FNIP1: variants seen among roughly 807,000 people sequenced by gnomAD.
FNIP1 encodes folliculin-interacting protein 1.
FNIP1 carries 40 observed loss-of-function variants against 124.5 expected under a neutral mutation model. The ratio of observed to expected loss-of-function variants is 0.32; its 90% confidence interval spans 0.25 to 0.42. The LOEUF (loss-of-function observed/expected upper bound fraction) is 0.42, where lower values mean the gene tolerates loss of function less well. Ranked by LOEUF, FNIP1 falls within the 10% of genes least tolerant of loss-of-function variation. The pLI is 1.00. For missense variants in FNIP1, 1,176 were observed against 1,403.7 expected (o/e 0.84, Z 2.59); for synonymous variants, 472 against 470.6 (o/e 1.00, Z -0.04).
chr5:131,647,244 A>T, intron 16 of FNIP1, 39 bp from the exon 17 acceptor site: 1 of 1,477,634 alleles, frequency 6.8e-7, no homozygotes, highest in Non-Finnish European at 9.5e-7. Flanking sequence ...GTCAGAAAAC[A>T]GTTTGCAACT....
In FNIP1 at chr5:131,658,907, CAAAAAAAAAAAAA is replaced by C. The variant is rs70974003; in HGVS notation, c.3109-6921_3109-6909del. ...CCAGTTTTTAAATCCTGGGTCTAGC[CAAAAAAAAAAAAA>C]AAAAAAAAAAAAAAAATCACCACCA... On this transcript the variant is annotated intron_variant, in intron 15 of 17. Coordinates refer to ENST00000510461, the MANE Select transcript of FNIP1 (RefSeq NM_133372.3). 6.0e-3 allele frequency among the ~76,000 whole-genome samples: 245 copies of C among 41,172 alleles called. 3 individuals carry two copies. The highest frequency in any genetic ancestry group is 0.023 in the African/African-American group (225 of 9,780). 27.0% of individuals were successfully genotyped at this position (41,172 alleles called of 152,430 possible). A position where few individuals can be genotyped will look rare whatever the true frequency, so the allele number is the denominator to read the frequency against.
intron 1 of FNIP1, among the ~76,000 whole-genome samples, chr5:131,764,123 C>T (rs1771339947): frequency 6.6e-6 from 1 of 151,960 alleles, no homozygotes; most frequent in African/African-American, 2.4e-5. Flanking sequence ...TGTGAAGTGC[C>T]TGCTCCTCAT....
In FNIP1 at chr5:131,642,867, CAAAAAAAAAAAA is replaced by C. The variant is rs34177023; in HGVS notation, c.*1806_*1817del. 1 of 69,094 alleles carries C rather than the reference CAAAAAAAAAAAA, an allele frequency of 1.4e-5. No individual in the cohort carries two copies. The highest frequency in any genetic ancestry group is 2.8e-5 in the Non-Finnish European group (1 of 35,740). The allele number at this position is 69,094 out of a possible 1,614,324, so 4.3% of individuals were successfully genotyped here. A position where few individuals can be genotyped will look rare whatever the true frequency, so the allele number is the denominator to read the frequency against. ...CTGGGTAACAAGAGTGAAACTCCGT[CAAAAAAAAAAAA>C]AAAAAAAAAAAGGTACAATGGCCCG... is the stretch of plus-strand genomic sequence containing the variant. On this transcript the variant is annotated 3_prime_UTR_variant, in exon 18 of 18. Transcript: ENST00000510461.
In FNIP1 at chr5:131,710,605, G is replaced by C; in HGVS notation, c.679C>G (p.Leu227Val). 2 of 1,614,006 alleles carry C rather than the reference G, an allele frequency of 1.2e-6. No individual in the cohort carries two copies. The highest frequency in any genetic ancestry group is 1.7e-6 in the Non-Finnish European group (2 of 1,179,982). Residue 227 changes from leucine (L) to valine (V), a missense_variant, in exon 7 of 18, where the codon CTG becomes GTG. Leu to Val is a conservative substitution (Grantham distance 32). This residue lies in a region of FNIP1 where 1,109 missense variants were observed against 1,288.5 expected (regional missense o/e 0.86). Coordinates refer to ENST00000510461, the MANE Select transcript of FNIP1 (RefSeq NM_133372.3). ...RAFSEQGPLR[L>V]IRSASFFAVH... is the part of the protein sequence containing the mutation. Reference sequence around the variant, plus strand: ...GCAAAGAAAGAGGCGCTCCTGATCAGGCGGAGCGGACCCTGCTCAGAGAAT... The same window carrying C: ...GCAAAGAAAGAGGCGCTCCTGATCACGCGGAGCGGACCCTGCTCAGAGAAT...
At chr5:131,715,026 T>A (rs1769419425) in intron 6 of FNIP1, among the ~76,000 whole-genome samples, 1 of 152,190 alleles carries the variant, frequency 6.6e-6, no homozygotes, top group South Asian at 2.1e-4. Flanking sequence ...ACACAAAAAA[T>A]CCTTGATTCA....
rs186954737 is a variant in FNIP1, at chr5:131,660,962, C to T, written c.3109-8963G>A. Reference sequence around the variant, plus strand: ...TTGTTCCTGTAAAGACATCTCTAAACTGGTCTGGTGGGTATTCTAGGTGGT... The same window carrying T: ...TTGTTCCTGTAAAGACATCTCTAAATTGGTCTGGTGGGTATTCTAGGTGGT... On this transcript the variant is annotated intron_variant, in intron 15 of 17. Transcript: ENST00000510461. Among the ~76,000 whole-genome samples, 258 of 152,262 alleles carry T rather than the reference C, an allele frequency of 1.7e-3. 1 individual carries two copies. Among genetic ancestry groups the T allele is most frequent in the Middle Eastern group, 0.014 (4 of 294 alleles).
At chr5:131,722,657 C>T (rs891952646) in intron 3 of FNIP1, among the ~76,000 whole-genome samples, 5 of 152,116 alleles carry the variant, frequency 3.3e-5, no homozygotes, top group East Asian at 1.9e-4. Flanking sequence ...AGTAGCAACA[C>T]ATTTTTTAAT....
chr5:131,757,048 G>A (rs754228559), intron 1 of FNIP1, among the ~76,000 whole-genome samples: 3 of 152,200 alleles, frequency 2.0e-5, no homozygotes, highest in Non-Finnish European at 4.4e-5. Context: ...GTGACAGTGA[G>A]AAAGAAAAGT....
chr5:131,774,412 T>A (rs1399940257), intron 1 of FNIP1, among the ~76,000 whole-genome samples: 1 of 152,244 alleles, frequency 6.6e-6, no homozygotes, highest in African/African-American at 2.4e-5. Context: ...ACATCTTATG[T>A]TACCTCTAAA....
intron 1 of FNIP1, 55 bp downstream of exon 1, chr5:131,796,775 A>G (rs1772618987): frequency 6.7e-7 from 1 of 1,496,616 alleles, no homozygotes; most frequent in Non-Finnish European, 9.1e-7. Flanking sequence ...ACACCCCTGG[A>G]GCCCGGAGCC....
At chr5:131,775,768 T>C (rs1156284297) in intron 1 of FNIP1, among the ~76,000 whole-genome samples, 1 of 151,942 alleles carries the variant, frequency 6.6e-6, no homozygotes, top group Admixed American at 6.6e-5. Flanking sequence ...CCTCAGGTGA[T>C]CCGCCCGCCT....
intron 13 of FNIP1, among the ~76,000 whole-genome samples, chr5:131,675,689 G>A (rs976695210): frequency 6.6e-6 from 1 of 152,086 alleles, no homozygotes; most frequent in Non-Finnish European, 1.5e-5. Context: ...TAGGCCAGTG[G>A]CTGCCTAGGG....
At chr5:131,795,007 T>C (rs879873302) in intron 1 of FNIP1, among the ~76,000 whole-genome samples, 2 of 152,212 alleles carry the variant, frequency 1.3e-5, no homozygotes, top group African/African-American at 4.8e-5. Context: ...AAATTATAGC[T>C]CAATGAAATA....
At chr5:131,765,910 T>G (rs955621088) in intron 1 of FNIP1, among the ~76,000 whole-genome samples, 22 of 152,216 alleles carry the variant, frequency 1.4e-4, no homozygotes, top group Admixed American at 7.9e-4. Flanking sequence ...TTCATTGTAA[T>G]CTTACATCTT....
chr5:131,671,462 A>G (rs1767745719), intron 14 of FNIP1, 43 bp downstream of exon 14: 1 of 1,427,254 alleles, frequency 7.0e-7, no homozygotes, highest in South Asian at 1.3e-5. Flanking sequence ...AGAATGGTAC[A>G]TATTTATATA....
At chr5:131,704,407 C>T in intron 9 of FNIP1, 141 bp from the exon 10 acceptor site, 1 of 656,168 alleles carries the variant, frequency 1.5e-6, no homozygotes, top group African/African-American at 1.8e-5. Flanking sequence ...AATTGTATAT[C>T]TCTTTAAGAA....
intron 1 of FNIP1, among the ~76,000 whole-genome samples, chr5:131,781,452 C>A (rs1771994092): frequency 6.6e-6 from 1 of 152,206 alleles, no homozygotes; most frequent in Admixed American, 6.5e-5. Context: ...CAGGCTGACT[C>A]TCCTGTTAGG....
chr5:131,727,979 T>C (rs995347280), intron 3 of FNIP1, among the ~76,000 whole-genome samples: 10 of 152,336 alleles, frequency 6.6e-5, no homozygotes, highest in Admixed American at 3.9e-4. Context: ...GAAAATTCTT[T>C]TCTTTAAGAA....
At chr5:131,717,277 G>C (rs1319436266) in intron 5 of FNIP1, among the ~76,000 whole-genome samples, 2 of 152,036 alleles carry the variant, frequency 1.3e-5, no homozygotes, top group African/African-American at 4.8e-5. Context: ...TGAGAATGAC[G>C]GTTTCCAGCT....
Sources: gnomAD v4.1 joint callset for allele counts (sites outside exome capture counted in the v4.1 genomes callset) on GRCh38, gnomAD v4.1.1 for gene constraint, gnomAD v4.1.1 regional missense constraint, MANE v1.5 for transcripts, NCBI Gene and HGNC (gene_info 2026-07-23, HGNC 2026-07-21) for gene names.